Variants in MYOCD observed in about 807,000 individuals in gnomAD.
MYOCD encodes myocardin.
A neutral mutation model predicts 96.1 loss-of-function variants in MYOCD; 32 were observed. The observed-to-expected ratio is 0.33, with a 90% CI of 0.25 to 0.45. The LOEUF (loss-of-function observed/expected upper bound fraction) is 0.45. MYOCD is among the 20% of genes least tolerant of loss of function. The pLI is 1.00. For missense variants in MYOCD, 1,133 were observed against 1,200.6 expected (o/e 0.94, Z 0.83); for synonymous variants, 469 against 469.0 (o/e 1.00, Z 0.00).
In MYOCD at chr17:12,752,819, G is replaced by A. The variant is rs1386713937; in HGVS notation, c.1531G>A (p.Asp511Asn). 6.2e-7 allele frequency: 1 copy of A among 1,614,078 alleles called. No individual in the cohort carries two copies. Among genetic ancestry groups the A allele is most frequent in the East Asian group, 2.2e-5 (1 of 44,866 alleles). The stretch of plus-strand genomic sequence containing the variant: ...TGGGGGCTCTGTTCCTTCTGAGCTG[G>A]ATGGGCTGGACTCCGAGAAGGACAA... Reference protein sequence around the residue: ...LNGGSVPSELDGLDSEKDKML... With the variant: ...LNGGSVPSELNGLDSEKDKML... Residue 511 changes from aspartate to asparagine, a missense_variant, in exon 10 of 14, where the codon GAT becomes AAT. Transcript: ENST00000425538.
intron 12 of MYOCD, among the ~76,000 whole-genome samples, chr17:12,758,610 TC>T (rs1373309919): frequency 6.6e-6 from 1 of 152,202 alleles, no homozygotes; most frequent in African/African-American, 2.4e-5. Flanking sequence ...GGGTAATACT[TC>T]CTAAGGTTCT....
At chr17:12,693,452 A>G (rs893233803) in intron 1 of MYOCD, among the ~76,000 whole-genome samples, 1 of 151,954 alleles carries the variant, frequency 6.6e-6, no homozygotes, top group Non-Finnish European at 1.5e-5. Context: ...TCTACTAAAA[A>G]TACAAAAATG....
chr17:12,674,943 CACTT>C (rs748964649), intron 1 of MYOCD, among the ~76,000 whole-genome samples: 8 of 152,172 alleles, frequency 5.3e-5, no homozygotes, highest in Admixed American at 1.3e-4. Context: ...CATATTTGGT[CACTT>C]AAACACTTTA....
At chr17:12,698,729 CTTTTTTTTTTTTTTTTTTT>C (rs55758881) in intron 1 of MYOCD, among the ~76,000 whole-genome samples, 1 of 64,136 alleles carries the variant, frequency 1.6e-5, no homozygotes, top group African/African-American at 6.1e-5. Flanking sequence ...ACCAGACCCT[CTTTTTTTTTTTTTTTTTTT>C]TTTTTTTTTT....
chr17:12,752,998 C>G lies in MYOCD; in HGVS notation c.1710C>G (p.Ile570Met), dbSNP rs1266929711. Reference sequence around the variant, plus strand: ...CGCTGCCTTTCCTGGCTGCCTCCATCAAGCAGGAAGAGGCTGTCTCCAGCT... The same window carrying G: ...CGCTGCCTTTCCTGGCTGCCTCCATGAAGCAGGAAGAGGCTGTCTCCAGCT... ...KKPLPFLAASIKQEEAVSSCP... is the reference protein window; with the variant it reads ...KKPLPFLAASMKQEEAVSSCP... The change falls in exon 10 of 14, where the codon ATC (isoleucine) becomes ATG (methionine). Residue 570 changes from isoleucine to methionine, a missense_variant. Coordinates refer to ENST00000425538, the MANE Select transcript of MYOCD (RefSeq NM_001146312.3). 6.2e-7 allele frequency: 1 copy of G among 1,614,166 alleles called. No homozygotes were observed. Among genetic ancestry groups the G allele is most frequent in the Non-Finnish European group, 8.5e-7 (1 of 1,180,012 alleles).
chr17:12,695,158 C>T (rs1400536898), intron 1 of MYOCD, among the ~76,000 whole-genome samples: 1 of 152,132 alleles, frequency 6.6e-6, no homozygotes, highest in Non-Finnish European at 1.5e-5. Context: ...AACTGGGTAA[C>T]TTATAAGCCA....
chr17:12,744,379 A>G lies in MYOCD; in HGVS notation c.914A>G (p.Gln305Arg), dbSNP rs1359312940. 1 of 1,613,588 alleles carries G rather than the reference A, an allele frequency of 6.2e-7. No homozygotes were observed. Among genetic ancestry groups the G allele is most frequent in the Admixed American group, 1.7e-5 (1 of 60,018 alleles). ...CTGCAGCTCCAAATCCTCAGCCAGC[A>G]GCAGCAGCAGCAGCAACACCGATTC... ...LFLQLQILSQ[Q>R]QQQQQHRFSY... Residue 305 changes from glutamine to arginine, a missense_variant, in exon 8 of 14, where the codon CAG becomes CGG. Physicochemically the swap from Gln to Arg is conservative, Grantham distance 43. Coordinates refer to ENST00000425538, the MANE Select transcript of MYOCD (RefSeq NM_001146312.3).
rs2033372352 is a variant in MYOCD at position 12,767,536 on chromosome 17, G to A, written c.*3892G>A. The stretch of plus-strand genomic sequence containing the variant: ...CAGATTGTTCAGATTTGAATGACCA[G>A]GGAGTTGTATTTGCACATGCAAGAA... On this transcript the variant is annotated 3_prime_UTR_variant, in exon 14 of 14. Transcript: ENST00000425538. 6.6e-6 allele frequency: 1 copy of A among 152,076 alleles called. No homozygotes were observed. Among genetic ancestry groups the A allele is most frequent in the Admixed American group, 6.6e-5 (1 of 15,256 alleles). 9.4% of individuals were successfully genotyped at this position (152,076 alleles called of 1,614,324 possible). A position where few individuals can be genotyped will look rare whatever the true frequency, so the allele number is the denominator to read the frequency against.
intron 1 of MYOCD, among the ~76,000 whole-genome samples, chr17:12,681,266 A>T (rs1381845120): frequency 6.6e-6 from 1 of 152,126 alleles, no homozygotes; most frequent in Admixed American, 6.6e-5. Flanking sequence ...CCTCTTAGTG[A>T]CATCGTAAGG....
intron 1 of MYOCD, among the ~76,000 whole-genome samples, chr17:12,697,907 T>C (rs374088230): frequency 3.3e-5 from 5 of 152,182 alleles, no homozygotes; most frequent in African/African-American, 9.7e-5. Flanking sequence ...ATATATAGTT[T>C]CCCAACTATT....
intron 1 of MYOCD, among the ~76,000 whole-genome samples, chr17:12,675,038 A>G (rs1909932316): frequency 6.6e-6 from 1 of 152,228 alleles, no homozygotes; most frequent in South Asian, 2.1e-4. Context: ...TATACGTGAG[A>G]CAAAATTATT....
chr17:12,689,599 A>G (rs557820627), intron 1 of MYOCD, among the ~76,000 whole-genome samples: 1 of 152,352 alleles, frequency 6.6e-6, no homozygotes, highest in South Asian at 2.1e-4. Flanking sequence ...TGGGAGGCCA[A>G]GGCAGGCGGA....
Position 12,720,062 on chromosome 17 carries a change from G to A in MYOCD, c.253+2641G>A, listed in dbSNP as rs1412399277. Among the ~76,000 whole-genome samples, 6 of 151,960 alleles carry A rather than the reference G, an allele frequency of 3.9e-5. No homozygotes were observed. The East Asian group carries it at 1.2e-3, about 29-fold the overall frequency. On this transcript the variant is annotated intron_variant, in intron 4 of 13. Coordinates refer to ENST00000425538, the MANE Select transcript of MYOCD (RefSeq NM_001146312.3). ...CTGGAAGCCAGGAATATTGAAAATG[G>A]CGTCTCCCGCTCTTTTCCTTGTCAC...
chr17:12,715,439 C>A, intron 2 of MYOCD, 80 bp from the exon 3 acceptor site: 1 of 1,234,212 alleles, frequency 8.1e-7, no homozygotes, highest in Non-Finnish European at 1.2e-6. Flanking sequence ...CATAGCTCAG[C>A]AAGCACACCA....
chr17:12,737,076 G>A (rs1344781650), intron 6 of MYOCD, among the ~76,000 whole-genome samples: 1 of 152,034 alleles, frequency 6.6e-6, no homozygotes, highest in Non-Finnish European at 1.5e-5. Context: ...CCAACACGGT[G>A]AAACCCCGTC....
At chr17:12,687,721 AAGAGGTTGCAG>A (rs2150650493) in intron 1 of MYOCD, among the ~76,000 whole-genome samples, 1 of 152,286 alleles carries the variant, frequency 6.6e-6, no homozygotes, top group African/African-American at 2.4e-5. Context: ...TTTGGCGCTG[AAGAGGTTGCAG>A]CAAGTAGGGG....
At chr17:12,710,840 T>G (rs1419494948) in intron 2 of MYOCD, among the ~76,000 whole-genome samples, 1 of 152,200 alleles carries the variant, frequency 6.6e-6, no homozygotes, top group Non-Finnish European at 1.5e-5. Context: ...CAATCCCATT[T>G]GGGTCAAAAA....
intron 1 of MYOCD, among the ~76,000 whole-genome samples, chr17:12,674,679 T>C (rs1909909384): frequency 6.6e-6 from 1 of 152,256 alleles, no homozygotes; most frequent in Admixed American, 6.5e-5. Context: ...ATTTAACCTC[T>C]GATAACAGTG....
rs369369179 is a variant in MYOCD, at chr17:12,753,087, C to G, written c.1799C>G (p.Ala600Gly). The G allele has an allele frequency of 2.5e-6, 4 of 1,614,108 alleles. No individual in the cohort carries two copies. Among genetic ancestry groups the G allele is most frequent in the African/African-American group, 1.3e-5 (1 of 74,934 alleles). ...QSSSSECHPPACEAAQLQPLG... is the reference protein window; with the variant it reads ...QSSSSECHPPGCEAAQLQPLG... ...AGCAGCTCAGAGTGTCACCCACCGGCTTGTGAAGCTGCTCAACTCCAGCCT... is the reference window on the plus strand; with the variant it reads ...AGCAGCTCAGAGTGTCACCCACCGGGTTGTGAAGCTGCTCAACTCCAGCCT... Residue 600 changes from alanine (A) to glycine (G), a missense_variant, in exon 10 of 14, where the codon GCT becomes GGT. By Grantham distance (60) the Ala-to-Gly change is moderately conservative. Transcript: ENST00000425538.
Sources: allele counts gnomAD v4.1 joint callset (sites outside exome capture counted in the v4.1 genomes callset), GRCh38; gene constraint gnomAD v4.1.1; transcripts MANE v1.5; gene names NCBI Gene and HGNC (gene_info 2026-07-23, HGNC 2026-07-21).